The following LRRC20 variants were observed in gnomAD, a reference collection of about 807,000 sequenced individuals.
The protein encoded by LRRC20 is leucine rich repeat containing 20, also known as leucine-rich repeat-containing protein 20.
LRRC20 carries 11 observed loss-of-function variants against 14.4 expected under a neutral mutation model. The ratio of observed to expected loss-of-function variants is 0.77; its 90% CI spans 0.48 to 1.27. LRRC20 has a LOEUF of 1.27. Ranked by LOEUF, LRRC20 falls within the 50% of genes most tolerant of loss-of-function variation. The probability of loss-of-function intolerance (pLI) is 0.00; values close to 1 mark genes in which losing one functional copy is unlikely to be tolerated. For synonymous variants in LRRC20, 121 were observed against 107.3 expected (o/e 1.13, Z -0.79); for missense variants, 219 against 251.2 (o/e 0.87, Z 0.87).
intron 3 of LRRC20, 57 bp downstream of exon 3, chr10:70,340,496 G>C: frequency 6.2e-7 from 1 of 1,605,626 alleles, no homozygotes; most frequent in Non-Finnish European, 8.5e-7. Flanking sequence ...GACAGGGTCA[G>C]AGCCTGAACG....
In LRRC20 at chr10:70,340,614, C is replaced by G; in HGVS notation, c.171G>C (p.Leu57=). The G allele has an allele frequency of 1.2e-6, 2 of 1,614,194 alleles. No individual in the cohort carries two copies. Among genetic ancestry groups the G allele is most frequent in the Middle Eastern group, 3.3e-4 (2 of 6,062 alleles). The stretch of plus-strand genomic sequence containing the variant: ...TGAGGGACTTAAGCTCGTTGTTAGC[C>G]AGGGTGATGAGGTGGATCTGGCCAG... ...NVSGQIHLIT[L]ANNELKSLTS... is the part of the protein sequence containing the mutation. The change falls in exon 3 of 5, where the codon CTG becomes CTC. Residue 57 remains leucine (L), a synonymous_variant. Transcript: ENST00000446961.
intron 2 of LRRC20, among the ~76,000 whole-genome samples, chr10:70,350,415 C>G (rs144801609): frequency 2.6e-5 from 4 of 152,334 alleles, no homozygotes; most frequent in South Asian, 2.1e-4. Flanking sequence ...AATAAAGAAG[C>G]CTTTTATTCA....
chr10:70,356,422 G>A (rs1843523033), intron 2 of LRRC20, among the ~76,000 whole-genome samples: 1 of 152,176 alleles, frequency 6.6e-6, no homozygotes, highest in Admixed American at 6.5e-5. Flanking sequence ...AGGCTGTGGT[G>A]GGAGGATCGC....
intron 3 of LRRC20, 56 bp downstream of exon 3, chr10:70,340,497 A>G (rs907992246): frequency 2.3e-5 from 37 of 1,605,938 alleles, no homozygotes; most frequent in Admixed American, 3.3e-5. Context: ...ACAGGGTCAG[A>G]GCCTGAACGA....
rs191310655 is a variant in LRRC20 at position 70,357,429 on chromosome 10, G to A, written c.83-16727C>T. ...GGTGGTTCTGAGCATGAAATAAAAC[G>A]TCTGCAAGGCTCTTAGCACAGTGCC... On this transcript the variant is annotated intron_variant, in intron 2 of 4. Transcript: ENST00000446961. 3.5e-3 allele frequency among the ~76,000 whole-genome samples: 533 copies of A among 152,274 alleles called. 10 individuals carry two copies. The highest frequency in any genetic ancestry group is 0.012 in the African/African-American group (509 of 41,546).
intron 3 of LRRC20, among the ~76,000 whole-genome samples, chr10:70,325,742 G>C (rs1434053574): frequency 6.6e-6 from 1 of 152,218 alleles, no homozygotes; most frequent in Non-Finnish European, 1.5e-5. Flanking sequence ...TCAGGCCTGA[G>C]GGTGGTTGCG....
At position 70,329,615 on chromosome 10, in the gene LRRC20, G is replaced by A. The variant is rs1036696060; in HGVS notation, c.233-5585C>T. Reference sequence around the variant, plus strand: ...CTGGCTCTGTCCCCCAGACTGGAGTGCAGTGGCACGATCTCGGCTCACTGC... The same window carrying A: ...CTGGCTCTGTCCCCCAGACTGGAGTACAGTGGCACGATCTCGGCTCACTGC... On this transcript the variant is annotated intron_variant, in intron 3 of 4. Transcript: ENST00000446961. Among the ~76,000 whole-genome samples, 11 of 147,964 alleles carry A rather than the reference G, an allele frequency of 7.4e-5. No homozygotes were observed. In the South Asian group the frequency reaches 2.4e-3, roughly 32 times the overall value.
At chr10:70,315,654 G>A (rs1406689709) in intron 4 of LRRC20, among the ~76,000 whole-genome samples, 1 of 152,150 alleles carries the variant, frequency 6.6e-6, no homozygotes, top group East Asian at 1.9e-4. Context: ...AACCAGTTTG[G>A]AGACGCCCCC....
chr10:70,342,104 G>A (rs2137024979), intron 2 of LRRC20, among the ~76,000 whole-genome samples: 1 of 152,060 alleles, frequency 6.6e-6, no homozygotes, highest in Non-Finnish European at 1.5e-5. Context: ...TTTGAGACCA[G>A]CCTGGCCAAT....
chr10:70,330,074 A>T (rs1461588565), intron 3 of LRRC20, among the ~76,000 whole-genome samples: 2 of 151,982 alleles, frequency 1.3e-5, no homozygotes, highest in African/African-American at 4.8e-5. Flanking sequence ...CACATTTTTT[A>T]TACTGTCTTT....
intron 2 of LRRC20, among the ~76,000 whole-genome samples, chr10:70,356,571 T>C (rs561062583): frequency 6.6e-6 from 1 of 150,920 alleles, no homozygotes; most frequent in Non-Finnish European, 1.5e-5. Flanking sequence ...CTGTATGTAG[T>C]GCTGGGCAGA....
chr10:70,343,361 G>C (rs1031344443), intron 2 of LRRC20, among the ~76,000 whole-genome samples: 1 of 152,162 alleles, frequency 6.6e-6, no homozygotes, highest in Non-Finnish European at 1.5e-5. Context: ...AAAAGGGACA[G>C]GTGGGAAAAG....
In LRRC20 at chr10:70,336,975, T is replaced by C. The variant is rs185424285; in HGVS notation, c.232+3578A>G. ...CCCACCTGCCATCAGACCAATTCCA[T>C]GTGTGCCCTTGGCTTTCTCATGTCT... On this transcript the variant is annotated intron_variant, in intron 3 of 4. Transcript: ENST00000446961. Among the ~76,000 whole-genome samples, 403 of 152,310 alleles carry C rather than the reference T, an allele frequency of 2.6e-3. 7 individuals are homozygous for C. Among genetic ancestry groups the C allele is most frequent in the Non-Finnish European group, 8.4e-4 (57 of 68,016 alleles).
At chr10:70,303,858 G>C (rs912869140) in intron 4 of LRRC20, among the ~76,000 whole-genome samples, 1 of 152,182 alleles carries the variant, frequency 6.6e-6, no homozygotes. Flanking sequence ...TTAAATTGGG[G>C]AGCAACTGCT....
chr10:70,309,880 G>A (rs72809220), intron 4 of LRRC20, among the ~76,000 whole-genome samples: 14,424 of 152,318 alleles, frequency 0.095, 808 homozygotes, highest in Middle Eastern at 0.21. Context: ...GCCCAGCCCC[G>A]GAACACATCC....
At chr10:70,332,421 A>C (rs957571360) in intron 3 of LRRC20, among the ~76,000 whole-genome samples, 4 of 152,232 alleles carry the variant, frequency 2.6e-5, no homozygotes, top group Non-Finnish European at 4.4e-5. Context: ...AGACAGGCGG[A>C]TCACTTGAGT....
chr10:70,340,741 C>T (rs1380487232), intron 2 of LRRC20, 39 bp from the exon 3 acceptor site: 4 of 1,609,624 alleles, frequency 2.5e-6, no homozygotes, highest in Admixed American at 1.7e-5. Flanking sequence ...AGTTATCAGC[C>T]ACAGCTGCCC....
chr10:70,321,847 G>A (rs1214991897), intron 4 of LRRC20, among the ~76,000 whole-genome samples: 1 of 149,782 alleles, frequency 6.7e-6, no homozygotes, highest in Non-Finnish European at 1.5e-5. Flanking sequence ...CCATCACCCT[G>A]TGGATGTGGG....
chr10:70,326,143 C>T (rs1352003502), intron 3 of LRRC20, among the ~76,000 whole-genome samples: 3 of 151,962 alleles, frequency 2.0e-5, no homozygotes, highest in Non-Finnish European at 4.4e-5. Context: ...CTCTCTGTGC[C>T]CCACCAATTT....
Sources: gnomAD v4.1 joint callset for allele counts (sites outside exome capture counted in the v4.1 genomes callset) on GRCh38, gnomAD v4.1.1 for gene constraint, MANE v1.5 for transcripts, NCBI Gene and HGNC (gene_info 2026-07-23, HGNC 2026-07-21) for gene names.